MYO16: variants seen among roughly 807,000 people sequenced by gnomAD.
The protein encoded by MYO16 is unconventional myosin-XVI.
In MYO16, 94 loss-of-function variants were observed where a neutral mutation model predicts 205.3. The observed-to-expected ratio is 0.46, with a 90% CI of 0.39 to 0.54. The LOEUF (loss-of-function observed/expected upper bound fraction) is 0.54. Ranked by LOEUF, MYO16 falls within the 20% of genes least tolerant of loss-of-function variation. The probability of loss-of-function intolerance (pLI) is 0.00; values close to 1 mark genes in which losing one functional copy is unlikely to be tolerated. For synonymous variants in MYO16, 988 were observed against 954.0 expected, an observed-to-expected ratio of 1.04 and a Z score of -0.66; for missense variants, 2,315 against 2,387.5, an observed-to-expected ratio of 0.97 and a Z score of 0.63.
intron 19 of MYO16, among the ~76,000 whole-genome samples, chr13:108,962,765 G>T (rs1883637309): frequency 6.6e-6 from 1 of 152,144 alleles, no homozygotes; most frequent in South Asian, 2.1e-4. Flanking sequence ...TTTCTTCAAA[G>T]AAAATATTGG....
Position 108,727,468 on chromosome 13 carries a change from C to A in MYO16, c.392C>A (p.Ala131Glu). The change falls in exon 4 of 35, where the codon GCA becomes GAA. Residue 131 changes from alanine (A) to glutamate (E), a missense_variant. Ala to Glu is a moderately radical substitution (Grantham distance 107). Transcript: ENST00000457511. Reference sequence around the variant, plus strand: ...GCTCGGTATGATAATGCCTTCATTGCAGAAATTCTGATTGACAGAGGAGTC... The same window carrying A: ...GCTCGGTATGATAATGCCTTCATTGAAGAAATTCTGATTGACAGAGGAGTC... ...LCARYDNAFI[A>E]EILIDRGVNV... 1 of 1,613,802 alleles carries A rather than the reference C, an allele frequency of 6.2e-7. No homozygotes were observed. Among genetic ancestry groups the A allele is most frequent in the Non-Finnish European group, 8.5e-7 (1 of 1,179,874 alleles).
chr13:109,189,915 TTTG>T (rs1879838839), intron 34 of MYO16, among the ~76,000 whole-genome samples: 1 of 132,642 alleles, frequency 7.5e-6, no homozygotes, highest in African/African-American at 2.9e-5. Context: ...CGATTTGTGT[TTTG>T]TTGTTGTTTT....
intron 23 of MYO16, among the ~76,000 whole-genome samples, chr13:109,045,767 C>T (rs890678441): frequency 1.3e-5 from 2 of 152,200 alleles, no homozygotes; most frequent in African/African-American, 4.8e-5. Context: ...TTTCCAGGTC[C>T]TTCCACAGTC....
chr13:109,080,439 G>C (rs1187610395), intron 27 of MYO16, among the ~76,000 whole-genome samples: 1 of 152,160 alleles, frequency 6.6e-6, no homozygotes, highest in East Asian at 1.9e-4. Context: ...AAGCATACTA[G>C]AAATTGTCCA....
intron 9 of MYO16, among the ~76,000 whole-genome samples, chr13:108,836,785 C>A (rs907446498): frequency 6.6e-6 from 1 of 152,134 alleles, no homozygotes; most frequent in African/African-American, 2.4e-5. Flanking sequence ...TTTCTTTTGG[C>A]AAATTTCTCC....
chr13:108,960,800 C>G (rs1173426250), intron 17 of MYO16, among the ~76,000 whole-genome samples: 2 of 152,250 alleles, frequency 1.3e-5, no homozygotes, highest in Admixed American at 6.5e-5. Context: ...ATTTTTCATT[C>G]TTGCCAAAAA....
intron 15 of MYO16, among the ~76,000 whole-genome samples, chr13:108,907,695 A>G (rs926389729): frequency 2.6e-5 from 4 of 152,228 alleles, no homozygotes; most frequent in Admixed American, 2.6e-4. Context: ...ATCCACAGCA[A>G]TTTTATTCAC....
rs1434548453 is a variant in MYO16 at position 108,732,558 on chromosome 13, C to A, written c.507+4975C>A. ...ATTGGAGGGACAGCAAGGAGACCAG[C>A]ACAGCTGCAGTGAAGTGACAGGGGT... On this transcript the variant is annotated intron_variant, in intron 4 of 34. Coordinates refer to ENST00000457511, the MANE Select transcript of MYO16 (RefSeq NM_001198950.3). Among the ~76,000 whole-genome samples the A allele has an allele frequency of 2.0e-5, 3 of 152,256 alleles. No individual in the cohort carries two copies. The East Asian group carries it at 5.8e-4, about 29-fold the overall frequency.
intron 22 of MYO16, among the ~76,000 whole-genome samples, chr13:109,017,402 T>C (rs931359873): frequency 2.0e-5 from 3 of 152,226 alleles, no homozygotes; most frequent in Non-Finnish European, 4.4e-5. Flanking sequence ...TTAGAATTTT[T>C]TCCTTCATTT....
chr13:108,522,096 A>G, the MYO16 span, among the ~76,000 whole-genome samples: 2 of 152,192 alleles, frequency 1.3e-5, no homozygotes, highest in African/African-American at 2.4e-5. Flanking sequence ...GGAAGAGGAA[A>G]ACAAATTTAA....
intron 27 of MYO16, among the ~76,000 whole-genome samples, chr13:109,098,457 G>A (rs1013535365): frequency 2.0e-5 from 3 of 152,160 alleles, no homozygotes; most frequent in Non-Finnish European, 4.4e-5. Flanking sequence ...TAGATGGTTG[G>A]CAAGGGGTCA....
intron 23 of MYO16, chr13:109,028,434 T>C: frequency 3.4e-6 from 1 of 295,614 alleles, no homozygotes; most frequent in Non-Finnish European, 6.8e-6. Flanking sequence ...TTGTGATGAG[T>C]AGCTCCCTTT....
chr13:109,180,523 A>C (rs1007027061), intron 34 of MYO16, among the ~76,000 whole-genome samples: 1 of 152,214 alleles, frequency 6.6e-6, no homozygotes. Context: ...AAAAGTCTAA[A>C]ATAACCTCAG....
In MYO16 at chr13:109,140,894, C is replaced by A; in HGVS notation, c.4682C>A (p.Ser1561Tyr). ...CAGCCGGAGGGGTCGAGCCCGCTGT[C>A]CCCGCAGTACTCCAAGAGCCAGAAG... ...PVQPEGSSPL[S>Y]PQYSKSQKGD... The change falls in exon 32 of 35, where the codon TCC becomes TAC. Residue 1561 changes from serine to tyrosine, a missense_variant. Physicochemically the swap from Ser to Tyr is moderately radical, Grantham distance 144. This residue lies in a region of MYO16 where 1,097 missense variants were observed against 1,092.0 expected (regional missense o/e 1.00). Coordinates refer to ENST00000457511, the MANE Select transcript of MYO16 (RefSeq NM_001198950.3). The surrounding 1 kb of genome is among the most constrained non-coding windows in gnomAD (Gnocchi z 8.0). 1.3e-6 allele frequency: 2 copies of A among 1,590,360 alleles called. No homozygotes were observed. The highest frequency in any genetic ancestry group is 1.7e-6 in the Non-Finnish European group (2 of 1,170,368).
intron 4 of MYO16, among the ~76,000 whole-genome samples, chr13:108,759,837 A>T (rs910803066): frequency 6.9e-6 from 1 of 145,422 alleles, no homozygotes; most frequent in Non-Finnish European, 1.5e-5. Flanking sequence ...AAAAAAAAAA[A>T]TCTGAATTCA....
intron 4 of MYO16, among the ~76,000 whole-genome samples, chr13:108,778,035 C>CAT (rs1358376724): frequency 5.9e-5 from 9 of 152,144 alleles, no homozygotes; most frequent in African/African-American, 2.2e-4. Context: ...AGATATATGT[C>CAT]ATATAAATGT....
At chr13:108,530,630 G>T in the MYO16 span, among the ~76,000 whole-genome samples, 1 of 152,106 alleles carries the variant, frequency 6.6e-6, no homozygotes, top group African/African-American at 2.4e-5. Context: ...TTTGATCACT[G>T]CCATATTCAC....
the MYO16 span, among the ~76,000 whole-genome samples, chr13:108,541,714 C>T: frequency 6.6e-6 from 1 of 152,034 alleles, no homozygotes; most frequent in Non-Finnish European, 1.5e-5. Context: ...TATAAAAATG[C>T]TCAATATCAC....
intron 3 of MYO16, among the ~76,000 whole-genome samples, chr13:108,719,879 T>C (rs1443433313): frequency 6.6e-6 from 1 of 152,194 alleles, no homozygotes; most frequent in African/African-American, 2.4e-5. Flanking sequence ...CAAGTACAGC[T>C]GGAATATAGT....
Sources: gnomAD v4.1 joint callset for allele counts (sites outside exome capture counted in the v4.1 genomes callset) on GRCh38, gnomAD v4.1.1 for gene constraint, gnomAD v4.1.1 regional missense constraint, Gnocchi (gnomAD v3.1) non-coding constraint, MANE v1.5 for transcripts, NCBI Gene and HGNC (gene_info 2026-07-23, HGNC 2026-07-21) for gene names.